Variants in SLC39A4 observed in about 807,000 individuals in gnomAD.
The protein encoded by SLC39A4 is solute carrier family 39 member 4.
Under a neutral mutation model 56.6 loss-of-function variants are expected in SLC39A4, and 49 were observed. The ratio of observed to expected loss-of-function variants is 0.87; its 90% CI spans 0.69 to 1.10. The LOEUF is 1.10. Among genes scored for constraint, SLC39A4 ranks in the 50% least tolerant of loss-of-function variants. The pLI, the probability that SLC39A4 is intolerant of heterozygous loss-of-function variation, is 0.00. For missense variants in SLC39A4, 993 were observed against 864.2 expected (o/e 1.15, Z -1.87); for synonymous variants, 540 against 420.4 (o/e 1.28, Z -3.48).
Position 144,414,389 on chromosome 8 carries a change from G to T in SLC39A4, c.1022C>A (p.Ala341Glu). ...GGTCAGCAGCAGGAGGCCAAAGACC[G>T]CGCAGAGGCAGATGAGCAGCGTGGC... ...SLATLLICLC[A>E]VFGLLLLTCT... Residue 341 changes from alanine (A) to glutamate (E), a missense_variant, in exon 6 of 12, where the codon GCG (alanine) becomes GAG (glutamate). Physicochemically the swap from Ala to Glu is moderately radical, Grantham distance 107. Transcript: ENST00000301305. The T allele has an allele frequency of 6.3e-7, 1 of 1,576,490 alleles. No homozygotes were observed. The highest frequency in any genetic ancestry group is 1.7e-4 in the Middle Eastern group (1 of 5,952).
At chr8:144,415,666 C>A in intron 2 of SLC39A4, 144 bp downstream of exon 2, 1 of 1,290,258 alleles carries the variant, frequency 7.8e-7, no homozygotes, top group African/African-American at 1.5e-5. Context: ...GTGAGCCCCA[C>A]GTTGTGAATC....
Position 144,413,232 on chromosome 8 carries a change from C to G in SLC39A4, c.1627+5G>C. The G allele has an allele frequency of 1.3e-6, 2 of 1,570,788 alleles. No individual in the cohort carries two copies. Among genetic ancestry groups the G allele is most frequent in the South Asian group, 2.3e-5 (2 of 86,684 alleles). ...CATCTCCTTCCAGGCCCCGCCTGCG[C>G]TCACCCAGCTCGTGTGGCAACTCGT... On this transcript the variant is annotated splice_donor_5th_base_variant and intron_variant, in intron 10 of 11. Coordinates refer to ENST00000301305, the MANE Select transcript of SLC39A4 (RefSeq NM_130849.4).
rs1230434369 is a variant in SLC39A4 at position 144,416,309 on chromosome 8, T to C, written c.193-218A>G. On this transcript the variant is annotated intron_variant, in intron 1 of 11. Coordinates refer to ENST00000301305, the MANE Select transcript of SLC39A4 (RefSeq NM_130849.4). Reference sequence around the variant, plus strand: ...AGGGGTCCCCAACAGTGGTCCCCCATCCCCAGGGGACTCCCCTGGAGCCAC... The same window carrying C: ...AGGGGTCCCCAACAGTGGTCCCCCACCCCCAGGGGACTCCCCTGGAGCCAC... 33 of 1,510,892 alleles carry C rather than the reference T, an allele frequency of 2.2e-5. No individual in the cohort carries two copies. The Admixed American group carries it at 5.3e-4, about 24-fold the overall frequency. The allele number at this position is 1,510,892 out of a possible 1,614,324, so 93.6% of individuals were successfully genotyped here.
intron 1 of SLC39A4, 77 bp downstream of exon 1, chr8:144,416,520 GC>G: frequency 2.0e-6 from 3 of 1,520,486 alleles, no homozygotes; most frequent in Non-Finnish European, 2.6e-6. Flanking sequence ...TTTGCCCAGG[GC>G]CCTTTGCTGC....
Position 144,412,753 on chromosome 8 carries a change from C to G in SLC39A4, c.1815+6G>C. On this transcript the variant is annotated splice_donor_region_variant and intron_variant, in intron 11 of 11. Coordinates refer to ENST00000301305, the MANE Select transcript of SLC39A4 (RefSeq NM_130849.4). The stretch of plus-strand genomic sequence containing the variant: ...CCAGAGCAGCCCCTCCCCTCGCCAT[C>G]CTGACCATGTCGCAGAGTGCTACGT... The G allele has an allele frequency of 9.3e-6, 15 of 1,613,320 alleles. No individual in the cohort carries two copies. Among genetic ancestry groups the G allele is most frequent in the Non-Finnish European group, 1.3e-5 (15 of 1,179,946 alleles).
chr8:144,414,700 G>T, intron 5 of SLC39A4, 25 bp downstream of exon 5: 1 of 1,611,210 alleles, frequency 6.2e-7, no homozygotes. Flanking sequence ...TGTGCTGCCA[G>T]CACAATGTCG....
chr8:144,415,924 G>C lies in SLC39A4; in HGVS notation c.360C>G (p.Ala120=), dbSNP rs1554873849. 6.3e-7 allele frequency: 1 copy of C among 1,595,534 alleles called. No individual in the cohort carries two copies. Among genetic ancestry groups the C allele is most frequent in the Non-Finnish European group, 8.5e-7 (1 of 1,173,654 alleles). ...GGGCCAGGAGGTGGTCTGCATGAGA[G>C]GCCCAGAGGCCAGCCCGAGCGTCCT... The part of the protein sequence containing the change: ...TCEDARAGLW[A]SHADHLLALL... Residue 120 remains alanine (A), a synonymous_variant, in exon 2 of 12, where the codon GCC becomes GCG. Coordinates refer to ENST00000301305, the MANE Select transcript of SLC39A4 (RefSeq NM_130849.4).
At position 144,413,267 on chromosome 8, in the gene SLC39A4, CGGCCAGCGAGGT is replaced by C. The variant is rs781814852; in HGVS notation, c.1585_1596del (p.Thr529_Ala532del). The C allele has an allele frequency of 6.3e-7, 1 of 1,593,460 alleles. No individual in the cohort carries two copies. The highest frequency in any genetic ancestry group is 8.5e-7 in the Non-Finnish European group (1 of 1,174,364). ...TCGTGTGGCAACTCGTGGCAGAACA[CGGCCAGCGAGGT>C]GGCCAGCCCGGTCTTCCAGGAGGAC... On this transcript the variant is annotated inframe_deletion, in exon 10 of 12. Coordinates refer to ENST00000301305, the MANE Select transcript of SLC39A4 (RefSeq NM_130849.4).
intron 8 of SLC39A4, 90 bp downstream of exon 8, chr8:144,413,660 G>A (rs1554872509): frequency 1.3e-6 from 2 of 1,542,812 alleles, no homozygotes; most frequent in African/African-American, 1.4e-5. Context: ...AGGCGGAGCC[G>A]CAGGCCTGGG....
In SLC39A4 at chr8:144,415,835, C is replaced by T. The variant is rs782199942; in HGVS notation, c.449G>A (p.Arg150Gln). Residue 150 changes from arginine to glutamine, a missense_variant, in exon 2 of 12, where the codon CGG becomes CAG. Transcript: ENST00000301305. ...CATCTTGGGGGTCTGGCCGGCAGCC[C>T]GGGCCTGCATCCTCTGCAGCAGCCA... is the stretch of plus-strand genomic sequence containing the variant. Reference protein sequence around the residue: ...LSWLLQRMQARAAGQTPKMAC... With the variant: ...LSWLLQRMQAQAAGQTPKMAC... 32 of 1,595,198 alleles carry T rather than the reference C, an allele frequency of 2.0e-5. No individual in the cohort carries two copies. The highest frequency in any genetic ancestry group is 2.5e-5 in the Non-Finnish European group (29 of 1,175,656).
chr8:144,413,848 G>A lies in SLC39A4; in HGVS notation c.1321C>T (p.His441Tyr). 6.3e-7 allele frequency: 1 copy of A among 1,598,760 alleles called. No homozygotes were observed. The highest frequency in any genetic ancestry group is 8.5e-7 in the Non-Finnish European group (1 of 1,175,906). Residue 441 changes from histidine (H) to tyrosine (Y), a missense_variant, in exon 8 of 12, where the codon CAT becomes TAT. Transcript: ENST00000301305. ...LEDGPCGHSS[H>Y]SHGGHSHGVS... ...CCGTGGCTGTGGCCCCCGTGGCTAT[G>A]GCTGCTGTGGCCGCAGGGCCCGTCC...
chr8:144,416,312 C>G, intron 1 of SLC39A4: 1 of 1,508,120 alleles, frequency 6.6e-7, no homozygotes, highest in Non-Finnish European at 8.8e-7. Context: ...TCCCCCATCC[C>G]CAGGGGACTC....
intron 1 of SLC39A4, 118 bp from the exon 2 acceptor site, chr8:144,416,209 C>A: frequency 6.3e-7 from 1 of 1,591,756 alleles, no homozygotes; most frequent in South Asian, 1.1e-5. Flanking sequence ...CGTCCACCAT[C>A]CTCTCTCAAC....
chr8:144,414,123 G>T, intron 6 of SLC39A4, 28 bp from the exon 7 acceptor site: 1 of 1,555,026 alleles, frequency 6.4e-7, no homozygotes, highest in African/African-American at 1.4e-5. Flanking sequence ...TGGGCTGGGG[G>T]GGAGGTCCCA....
chr8:144,414,117 C>T (rs1822049522), intron 6 of SLC39A4, 22 bp from the exon 7 acceptor site: 2 of 1,554,372 alleles, frequency 1.3e-6, no homozygotes, highest in Admixed American at 2.0e-5. Context: ...GGGCGCTGGG[C>T]TGGGGGGGAG....
Position 144,414,278 on chromosome 8 carries a change from AG to A in SLC39A4, c.1132del (p.Leu378CysfsTer3), listed in dbSNP as rs2130797430. On this transcript the variant is annotated frameshift_variant, in exon 6 of 12. Transcript: ENST00000301305. LOFTEE classifies it high-confidence loss of function. The part of the protein sequence containing the change: ...AVGAVTGDAV[L>X]HLTPKVLGLH... ...GGGGCAGACCTTGGGCGTCAGATGC[AG>A]GACAGCGTCCCCAGTGACTGCACCC... 6.2e-7 allele frequency: 1 copy of A among 1,609,100 alleles called. No individual in the cohort carries two copies. The highest frequency in any genetic ancestry group is 2.2e-5 in the East Asian group (1 of 44,676).
In SLC39A4 at chr8:144,413,982, A is replaced by T; in HGVS notation, c.1263T>A (p.Asn421Lys). 1 of 1,609,548 alleles carries T rather than the reference A, an allele frequency of 6.2e-7. No individual in the cohort carries two copies. The highest frequency in any genetic ancestry group is 8.5e-7 in the Non-Finnish European group (1 of 1,178,196). The change falls in exon 7 of 12, where the codon AAT (asparagine) becomes AAA (lysine). Residue 421 changes from asparagine to lysine, a missense_variant. Asn to Lys is a moderately conservative substitution (Grantham distance 94, BLOSUM62 0). Transcript: ENST00000301305. The stretch of plus-strand genomic sequence containing the variant: ...CCTCCGGGTCCCTGGGCAGCAGGAG[A>T]TTGAAGAGGTTCTCAAACAGGAAGA... ...YAFFLFENLF[N>K]LLLPRDPEDL...
rs782304493 is a variant in SLC39A4 at position 144,415,424 on chromosome 8, G to A, written c.475-5C>T. 2 of 1,594,856 alleles carry A rather than the reference G, an allele frequency of 1.3e-6. No individual in the cohort carries two copies. The highest frequency in any genetic ancestry group is 2.2e-5 in the South Asian group (2 of 89,160). On this transcript the variant is annotated splice_polypyrimidine_tract_variant and splice_region_variant and intron_variant, in intron 2 of 11. Transcript: ENST00000301305. ...CTGAGGGATATCTACGCAGGCCTGG[G>A]GAAGAGGGGGCCTCCGCCTCAGCCT...
intron 6 of SLC39A4, 23 bp downstream of exon 6, chr8:144,414,239 G>T (rs782708864): frequency 6.2e-7 from 1 of 1,604,158 alleles, no homozygotes; most frequent in East Asian, 2.2e-5. Flanking sequence ...GAGGGCCAGG[G>T]TCGCGGGTTT....
Sources: gnomAD v4.1 joint callset for allele counts on GRCh38, gnomAD v4.1.1 for gene constraint, MANE v1.5 for transcripts, NCBI Gene and HGNC (gene_info 2026-07-23, HGNC 2026-07-21) for gene names.